DHX57: variants seen among roughly 807,000 people sequenced by gnomAD.
DHX57 encodes the protein putative ATP-dependent RNA helicase DHX57.
A neutral mutation model predicts 156.2 loss-of-function variants in DHX57; 105 were observed. The observed-to-expected ratio is 0.67, with a 90% CI of 0.57 to 0.79. DHX57 has a LOEUF of 0.79. Among genes scored for constraint, DHX57 ranks in the 30% least tolerant of loss-of-function variants. The pLI, the probability that DHX57 is intolerant of heterozygous loss-of-function variation, is 0.00. For synonymous variants in DHX57, 704 were observed against 595.6 expected (o/e 1.18, Z -2.65); for missense variants, 1,847 against 1,661.9 (o/e 1.11, Z -1.94).
In DHX57 at chr2:38,861,353, A is replaced by G; in HGVS notation, c.1057T>C (p.Tyr353His). The G allele has an allele frequency of 3.7e-6, 6 of 1,613,682 alleles. No individual in the cohort carries two copies. Among genetic ancestry groups the G allele is most frequent in the South Asian group, 1.1e-5 (1 of 91,008 alleles). The change falls in exon 5 of 24, where the codon TAT (tyrosine) becomes CAT (histidine). Residue 353 changes from tyrosine to histidine, a missense_variant. Physicochemically the swap from Tyr to His is moderately conservative, Grantham distance 83. Coordinates refer to ENST00000457308, the MANE Select transcript of DHX57 (RefSeq NM_198963.3). Reference protein sequence around the residue: ...LNAIEDASFLYELEIRFSKDH... With the variant: ...LNAIEDASFLHELEIRFSKDH... ...TTAGAAAATCGAATTTCAAGTTCAT[A>G]TAAAAAAGATGCATCTTCAATAGCA...
At chr2:38,813,974 G>A in intron 20 of DHX57, 79 bp from the exon 21 acceptor site, 1 of 1,517,186 alleles carries the variant, frequency 6.6e-7, no homozygotes, top group Non-Finnish European at 9.1e-7. Flanking sequence ...GTCTTGCTCT[G>A]TCACCCAGGC....
In DHX57 at chr2:38,843,073, T is replaced by G. The variant is rs147262119; in HGVS notation, c.2357A>C (p.Gln786Pro). ...DLRLSLHLQD[Q>P]DSVKDAVPDQ... ...TGGCACTGCATCTTTGACAGAATCC[T>G]GATCCTGGAGGTGAAGGGAGAGCCT... is the stretch of plus-strand genomic sequence containing the variant. Residue 786 changes from glutamine (Q) to proline (P), a missense_variant, in exon 12 of 24, where the codon CAG (glutamine) becomes CCG (proline). Transcript: ENST00000457308. The G allele has an allele frequency of 5.3e-5, 86 of 1,614,124 alleles. No homozygotes were observed. Among genetic ancestry groups the G allele is most frequent in the Non-Finnish European group, 6.8e-5 (80 of 1,180,036 alleles).
At chr2:38,846,959 T>A (rs950949881) in intron 11 of DHX57, 60 bp downstream of exon 11, 5 of 1,457,882 alleles carry the variant, frequency 3.4e-6, no homozygotes, top group South Asian at 2.4e-5. Flanking sequence ...GTGCTAGAAT[T>A]ACAGGGATGA....
At chr2:38,846,065 C>T (rs1672268517) in intron 11 of DHX57, among the ~76,000 whole-genome samples, 1 of 151,928 alleles carries the variant, frequency 6.6e-6, no homozygotes, top group African/African-American at 2.4e-5. Context: ...AGGGTTTCAC[C>T]ATATTGGCCA....
At chr2:38,854,976 A>T (rs1181096667) in intron 8 of DHX57, 81 bp downstream of exon 8, 1 of 1,459,942 alleles carries the variant, frequency 6.8e-7, no homozygotes. Context: ...CAAATTGCCC[A>T]TGAATCTCCT....
Position 38,825,869 on chromosome 2 carries a change from G to T in DHX57, c.2992C>A (p.Pro998Thr). ...KQQLPEIQRVPLEQLCLRIKI... is the reference protein window; with the variant it reads ...KQQLPEIQRVTLEQLCLRIKI... ...CACCTTAGACACAGCTGTTCCAATG[G>T]CACTCTTTGTATTTCTGGTAGCTGT... The change falls in exon 16 of 24, where the codon CCA becomes ACA. Residue 998 changes from proline to threonine, a missense_variant. Coordinates refer to ENST00000457308, the MANE Select transcript of DHX57 (RefSeq NM_198963.3). The T allele has an allele frequency of 6.2e-7, 1 of 1,614,104 alleles. No individual in the cohort carries two copies. The highest frequency in any genetic ancestry group is 8.5e-7 in the Non-Finnish European group (1 of 1,180,018).
chr2:38,822,562 T>C (rs949510132), intron 17 of DHX57, among the ~76,000 whole-genome samples: 1 of 151,536 alleles, frequency 6.6e-6, no homozygotes, highest in Non-Finnish European at 1.5e-5. Context: ...CCTGGCTAAT[T>C]TTTTGTATTT....
intron 13 of DHX57, among the ~76,000 whole-genome samples, chr2:38,829,961 G>A (rs202036603): frequency 6.6e-6 from 1 of 152,210 alleles, no homozygotes; most frequent in East Asian, 1.9e-4. Flanking sequence ...CATGAAAACT[G>A]ATTATAGTAT....
At chr2:38,832,383 A>G (rs931140681) in intron 13 of DHX57, among the ~76,000 whole-genome samples, 1 of 152,010 alleles carries the variant, frequency 6.6e-6, no homozygotes, top group Non-Finnish European at 1.5e-5. Flanking sequence ...GAAGTTGCAG[A>G]GCCGAGATTG....
chr2:38,827,390 G>C (rs1671142442), intron 14 of DHX57, among the ~76,000 whole-genome samples: 1 of 144,806 alleles, frequency 6.9e-6, no homozygotes, highest in Non-Finnish European at 1.5e-5. Flanking sequence ...TGAGGCTGAG[G>C]CAGAAGAATC....
intron 7 of DHX57, 130 bp downstream of exon 7, chr2:38,856,210 G>T: frequency 7.6e-7 from 1 of 1,311,502 alleles, no homozygotes; most frequent in Non-Finnish European, 1.0e-6. Context: ...TTTGCCTTAT[G>T]TCTCAAGGCA....
chr2:38,861,695 T>A lies in DHX57; in HGVS notation c.715A>T (p.Ile239Leu). 1 of 1,614,042 alleles carries A rather than the reference T, an allele frequency of 6.2e-7. No homozygotes were observed. Among genetic ancestry groups the A allele is most frequent in the East Asian group, 2.2e-5 (1 of 44,876 alleles). The change falls in exon 5 of 24, where the codon ATA (isoleucine) becomes TTA (leucine). Residue 239 changes from isoleucine to leucine, a missense_variant. Coordinates refer to ENST00000457308, the MANE Select transcript of DHX57 (RefSeq NM_198963.3). ...TGTTCCATACACTCATCCAAGCTTA[T>A]CTGGTTGACTGCCTCAGAGATCTTC... The part of the protein sequence containing the change: ...RMKISEAVNQ[I>L]SLDECMEQRQ...
chr2:38,799,570 G>C (rs1457682267), intron 23 of DHX57, among the ~76,000 whole-genome samples: 1 of 150,840 alleles, frequency 6.6e-6, no homozygotes, highest in Admixed American at 6.6e-5. Context: ...GACCAACATG[G>C]AGAAACCCCA....
chr2:38,816,235 G>A (rs1176172634), intron 19 of DHX57: 1 of 464,092 alleles, frequency 2.2e-6, no homozygotes, highest in African/African-American at 2.0e-5. Flanking sequence ...TTTTTTTTGA[G>A]ACAGAGTCTT....
chr2:38,863,392 G>C lies in DHX57; in HGVS notation c.352C>G (p.Leu118Val). 1 of 1,613,196 alleles carries C rather than the reference G, an allele frequency of 6.2e-7. No homozygotes were observed. Among genetic ancestry groups the C allele is most frequent in the Non-Finnish European group, 8.5e-7 (1 of 1,179,830 alleles). Reference protein sequence around the residue: ...QEKVKALLRDLQEQDADAGSE... With the variant: ...QEKVKALLRDVQEQDADAGSE... ...CCAGCATCAGCATCTTGTTCTTGCA[G>C]GTCTCGGAGAAGAGCTTTCACTTTC... Residue 118 changes from leucine (L) to valine (V), a missense_variant, in exon 3 of 24, where the codon CTG (leucine) becomes GTG (valine). Coordinates refer to ENST00000457308, the MANE Select transcript of DHX57 (RefSeq NM_198963.3).
intron 1 of DHX57, among the ~76,000 whole-genome samples, chr2:38,875,023 C>T (rs140663412): frequency 6.6e-6 from 1 of 152,160 alleles, no homozygotes; most frequent in Non-Finnish European, 1.5e-5. Context: ...AGGATACTTA[C>T]GCTGAATCAA....
intron 21 of DHX57, 91 bp from the exon 22 acceptor site, chr2:38,806,784 C>T (rs1669960692): frequency 8.5e-6 from 11 of 1,289,582 alleles, no homozygotes; most frequent in Non-Finnish European, 1.1e-5. Flanking sequence ...ACCAGTCTTG[C>T]TCAGTCTTGC....
chr2:38,857,128 A>C (rs1672941747), intron 6 of DHX57: 1 of 154,298 alleles, frequency 6.5e-6, no homozygotes, highest in Non-Finnish European at 1.5e-5. Flanking sequence ...ACCTGGCTAC[A>C]TGTGGCTATT....
intron 13 of DHX57, among the ~76,000 whole-genome samples, chr2:38,832,664 G>T (rs1671445262): frequency 6.6e-6 from 1 of 151,274 alleles, no homozygotes; most frequent in Non-Finnish European, 1.5e-5. Context: ...TCCTGCCTCA[G>T]CCTCCCAAGT....
Sources: gnomAD v4.1 joint callset for allele counts (sites outside exome capture counted in the v4.1 genomes callset) on GRCh38, gnomAD v4.1.1 for gene constraint, MANE v1.5 for transcripts, NCBI Gene and HGNC (gene_info 2026-07-23, HGNC 2026-07-21) for gene names.